TM4SF20: variants seen among roughly 807,000 people sequenced by gnomAD.
TM4SF20 encodes the protein transmembrane 4 L6 family member 20.
TM4SF20 carries 13 observed loss-of-function variants against 15.1 expected under a neutral mutation model. The observed-to-expected ratio is 0.86, with a 90% CI of 0.56 to 1.36. TM4SF20 has a LOEUF of 1.36. Ranked by LOEUF, TM4SF20 falls within the 40% of genes most tolerant of loss-of-function variation. TM4SF20 has a pLI of 0.00. For synonymous variants in TM4SF20, 92 were observed against 96.6 expected, an observed-to-expected ratio of 0.95 and a Z score of 0.28; for missense variants, 282 against 268.4, an observed-to-expected ratio of 1.05 and a Z score of -0.35.
intron 2 of TM4SF20, among the ~76,000 whole-genome samples, chr2:227,369,427 C>CTTTTTTT (rs57148409): frequency 6.4e-5 from 8 of 125,288 alleles, no homozygotes; most frequent in African/African-American, 9.2e-5. Flanking sequence ...CCCCATCTGT[C>CTTTTTTT]TTTTTTTTTT....
rs2076365419 is a variant in TM4SF20 at position 227,362,275 on chromosome 2, G to A, written c.*1449C>T. The A allele has an allele frequency of 1.3e-5, 2 of 152,064 alleles. No individual in the cohort carries two copies. Among genetic ancestry groups the A allele is most frequent in the South Asian group, 2.1e-4 (1 of 4,816 alleles). The allele number at this position is 152,064 out of a possible 1,614,324, so 9.4% of individuals were successfully genotyped here. A position where few individuals can be genotyped will look rare whatever the true frequency, so the allele number is the denominator to read the frequency against. On this transcript the variant is annotated 3_prime_UTR_variant, in exon 4 of 4. Coordinates refer to ENST00000304568, the MANE Select transcript of TM4SF20 (RefSeq NM_024795.4). ...CTTTTGAAAGTCTTGGGTTTTTCTA[G>A]GTATTGTTTTTTAATTAATGAATAA...
Position 227,362,928 on chromosome 2 carries a change from T to C in TM4SF20, c.*796A>G, listed in dbSNP as rs1172253180. ...CATGTGTTTAGCTGAAACATGCCTC[T>C]ATTCTCTTAATCTATAACAGTTCCC... On this transcript the variant is annotated 3_prime_UTR_variant, in exon 4 of 4. Transcript: ENST00000304568. 3 of 152,216 alleles carry C rather than the reference T, an allele frequency of 2.0e-5. No homozygotes were observed. The highest frequency in any genetic ancestry group is 4.4e-5 in the Non-Finnish European group (3 of 68,038). 9.4% of individuals were successfully genotyped at this position (152,216 alleles called of 1,614,324 possible).
chr2:227,381,113 A>G (rs2076477960), upstream of TM4SF20, among the ~76,000 whole-genome samples: 1 of 152,110 alleles, frequency 6.6e-6, no homozygotes, highest in Non-Finnish European at 1.5e-5. Context: ...TGTCTCTACT[A>G]AAAATACAAA....
Position 227,364,102 on chromosome 2 carries a change from A to G in TM4SF20, c.402-90T>C, listed in dbSNP as rs2076378006. On this transcript the variant is annotated intron_variant, in intron 3 of 3. Transcript: ENST00000304568. ...TGCACATAAAAGAATGAGTGAAACG[A>G]ATGTACTTTTGAAATATCGTGCCCA... The G allele has an allele frequency of 3.1e-6, 4 of 1,299,092 alleles. No individual in the cohort carries two copies. The Admixed American group carries it at 1.1e-4, about 35-fold the overall frequency. 80.5% of individuals were successfully genotyped at this position (1,299,092 alleles called of 1,614,324 possible).
intron 1 of TM4SF20, among the ~76,000 whole-genome samples, chr2:227,376,168 G>A (rs530347352): frequency 1.1e-4 from 17 of 152,214 alleles, no homozygotes; most frequent in African/African-American, 4.1e-4. Context: ...TCTACTTCCT[G>A]CAAAATCCCA....
chr2:227,375,754 G>T (rs1325721671), intron 1 of TM4SF20, among the ~76,000 whole-genome samples: 2 of 152,174 alleles, frequency 1.3e-5, no homozygotes, highest in African/African-American at 4.8e-5. Flanking sequence ...CTCCCAAAGT[G>T]CTGGGATTAC....
At chr2:227,372,653 AC>A (rs1228229997) in intron 1 of TM4SF20, among the ~76,000 whole-genome samples, 1 of 151,978 alleles carries the variant, frequency 6.6e-6, no homozygotes, top group East Asian at 1.9e-4. Context: ...AAAACAAACA[AC>A]AACAACAAAA....
intron 1 of TM4SF20, among the ~76,000 whole-genome samples, chr2:227,374,925 C>CAA (rs10680148): frequency 0.51 from 70,369 of 138,940 alleles, 18,320 homozygotes; most frequent in Non-Finnish European, 0.59. Context: ...ACCCTATCTA[C>CAA]AAAAAAAAAA....
chr2:227,362,977 C>T lies in TM4SF20; in HGVS notation c.*747G>A, dbSNP rs913656232. 6.6e-6 allele frequency: 1 copy of T among 152,124 alleles called. No individual in the cohort carries two copies. The highest frequency in any genetic ancestry group is 1.5e-5 in the Non-Finnish European group (1 of 68,016). 9.4% of individuals were successfully genotyped at this position (152,124 alleles called of 1,614,324 possible). On this transcript the variant is annotated 3_prime_UTR_variant, in exon 4 of 4. Transcript: ENST00000304568. The stretch of plus-strand genomic sequence containing the variant: ...CCTCAAAAATATTTTTCTTTTATAA[C>T]ATTTTCCTGTTGAAAATTGGGCCAT...
At chr2:227,366,286 T>A (rs1281294865) in intron 2 of TM4SF20, 42 bp from the exon 3 acceptor site, 1 of 1,579,082 alleles carries the variant, frequency 6.3e-7, no homozygotes, top group Non-Finnish European at 8.6e-7. Context: ...TTATGACATG[T>A]TCTTGATCTG....
intron 1 of TM4SF20, among the ~76,000 whole-genome samples, chr2:227,375,656 A>T (rs1332811492): frequency 6.6e-6 from 1 of 151,628 alleles, no homozygotes; most frequent in Non-Finnish European, 1.5e-5. Context: ...AGCCTGGCTA[A>T]TTTTTTATAT....
At position 227,363,731 on chromosome 2, in the gene TM4SF20, A is replaced by G. The variant is rs1344313747; in HGVS notation, c.683T>C (p.Ile228Thr). Residue 228 changes from isoleucine (I) to threonine (T), a missense_variant, in exon 4 of 4, where the codon ATT (isoleucine) becomes ACT (threonine). Transcript: ENST00000304568. ...CATTTTATTCCCATTAAACTACACAATTTGACTTCTTCGCTTAGAGACTCC... is the reference window on the plus strand; with the variant it reads ...CATTTTATTCCCATTAAACTACACAGTTTGACTTCTTCGCTTAGAGACTCC... ...LCGVSKRRSQ[I>T]V 1.2e-6 allele frequency: 2 copies of G among 1,612,408 alleles called. No individual in the cohort carries two copies. The highest frequency in any genetic ancestry group is 1.1e-5 in the South Asian group (1 of 90,856).
chr2:227,363,576 A>G lies in TM4SF20; in HGVS notation c.*148T>C. The G allele has an allele frequency of 2.5e-6, 2 of 786,746 alleles. No homozygotes were observed. Among genetic ancestry groups the G allele is most frequent in the Non-Finnish European group, 4.0e-6 (2 of 505,898 alleles). The allele number at this position is 786,746 out of a possible 1,614,324, so 48.7% of individuals were successfully genotyped here. A position where few individuals can be genotyped will look rare whatever the true frequency, so the allele number is the denominator to read the frequency against. Reference sequence around the variant, plus strand: ...AAATTCTCTCCACCTTTCCCAAATCAACCACTGATATGAGAGTGTTATGCA... The same window carrying G: ...AAATTCTCTCCACCTTTCCCAAATCGACCACTGATATGAGAGTGTTATGCA... On this transcript the variant is annotated 3_prime_UTR_variant, in exon 4 of 4. Transcript: ENST00000304568.
rs76345332 is a variant in TM4SF20 at position 227,363,903 on chromosome 2, T to G, written c.511A>C (p.Arg171=). 1.9e-6 allele frequency: 3 copies of G among 1,613,358 alleles called. No individual in the cohort carries two copies. Among genetic ancestry groups the G allele is most frequent in the Admixed American group, 3.3e-5 (2 of 59,990 alleles). The change falls in exon 4 of 4, where the codon AGA becomes CGA. Residue 171 remains arginine (R), a synonymous_variant. Coordinates refer to ENST00000304568, the MANE Select transcript of TM4SF20 (RefSeq NM_024795.4). ...GAATCGAAGTGGAAACTAGATGCTCTCCAGCCACTCGCCATGGTGTCGTTA... is the reference window on the plus strand; with the variant it reads ...GAATCGAAGTGGAAACTAGATGCTCGCCAGCCACTCGCCATGGTGTCGTTA... ...TSNDTMASGW[R]ASSFHFDSEE...
intron 3 of TM4SF20, among the ~76,000 whole-genome samples, chr2:227,365,263 T>C (rs2106488057): frequency 6.6e-6 from 1 of 152,374 alleles, no homozygotes; most frequent in East Asian, 1.9e-4. Flanking sequence ...TGAGGGACTT[T>C]CTTTTTTAAT....
In TM4SF20 at chr2:227,365,091, A is replaced by G. The variant is rs116205911; in HGVS notation, c.401+1002T>C. On this transcript the variant is annotated intron_variant, in intron 3 of 3. Transcript: ENST00000304568. ...ACGCCTGGCTCATTTTTGTATTTTC[A>G]GTAGTGATGCAGTTTCACCATGTTG... is the stretch of plus-strand genomic sequence containing the variant. 4.4e-3 allele frequency among the ~76,000 whole-genome samples: 675 copies of G among 152,298 alleles called. 6 individuals carry two copies. Among genetic ancestry groups the G allele is most frequent in the African/African-American group, 0.015 (644 of 41,558 alleles).
chr2:227,374,418 C>T (rs1453906790), intron 1 of TM4SF20, among the ~76,000 whole-genome samples: 3 of 140,682 alleles, frequency 2.1e-5, no homozygotes, highest in African/African-American at 7.9e-5. Context: ...TTTAGACAGA[C>T]ACTAAAACTG....
At chr2:227,377,788 T>C (rs1046851539) in intron 1 of TM4SF20, among the ~76,000 whole-genome samples, 1 of 151,412 alleles carries the variant, frequency 6.6e-6, no homozygotes, top group Non-Finnish European at 1.5e-5. Context: ...CATGAGCACA[T>C]AAAAGGGAAC....
At chr2:227,379,869 A>T (rs749316947), upstream of TM4SF20, among the ~76,000 whole-genome samples, 28 of 152,350 alleles carry the variant, frequency 1.8e-4, no homozygotes, top group Admixed American at 4.6e-4. Context: ...AAAGATAGCA[A>T]TAGGAGAGAG....
Sources: allele counts gnomAD v4.1 joint callset (sites outside exome capture counted in the v4.1 genomes callset), GRCh38; gene constraint gnomAD v4.1.1; transcripts MANE v1.5; gene names NCBI Gene and HGNC (gene_info 2026-07-23, HGNC 2026-07-21).